The following RBFOX1 variants were observed in gnomAD, a reference collection of about 807,000 sequenced individuals.
RBFOX1 encodes RNA binding fox-1 homolog 1.
Under a neutral mutation model 57.7 loss-of-function variants are expected in RBFOX1, and 8 were observed. The ratio of observed to expected loss-of-function variants is 0.14; its 90% CI spans 0.08 to 0.25. The LOEUF is 0.25. Ranked by LOEUF, RBFOX1 falls within the 10% of genes least tolerant of loss-of-function variation. The pLI is 1.00. For missense variants in RBFOX1, 611 were observed against 548.5 expected (o/e 1.11, Z -1.14); for synonymous variants, 326 against 222.4 (o/e 1.47, Z -4.15).
chr16:6,723,537 G>T (rs552903852), intron 3 of RBFOX1, among the ~76,000 whole-genome samples: 1 of 152,168 alleles, frequency 6.6e-6, no homozygotes, highest in Non-Finnish European at 1.5e-5. Context: ...AACATTTCTG[G>T]AAGGTTCTAA....
chr16:7,309,420 C>G (rs1249177273), intron 4 of RBFOX1, among the ~76,000 whole-genome samples: 2 of 152,230 alleles, frequency 1.3e-5, no homozygotes, highest in African/African-American at 2.4e-5. Context: ...AGCATCTGTT[C>G]ATCCACAGAC....
rs111833846 is a variant in RBFOX1 at position 5,611,712 on chromosome 16, A to G, written c.318+12751A>G. Among the ~76,000 whole-genome samples, 690 of 143,186 alleles carry G rather than the reference A, an allele frequency of 4.8e-3. 3 individuals carry two copies. Among genetic ancestry groups the G allele is most frequent in the Non-Finnish European group, 6.0e-3 (399 of 65,998 alleles). The allele number at this position is 143,186 out of a possible 152,430, so 93.9% of individuals were successfully genotyped here. On this transcript the variant is annotated intron_variant, in intron 3 of 19. Coordinates refer to the RBFOX1 transcript ENST00000641259. ...CACTCCCCCACCCACTCTCCCATCCATCCATCTATCCATCCATCCATCCAT... is the reference window on the plus strand; with the variant it reads ...CACTCCCCCACCCACTCTCCCATCCGTCCATCTATCCATCCATCCATCCAT...
chr16:6,231,458 G>A (rs2097459732), intron 1 of RBFOX1, among the ~76,000 whole-genome samples: 1 of 152,114 alleles, frequency 6.6e-6, no homozygotes, highest in South Asian at 2.1e-4. Context: ...TAAGGATAGG[G>A]AGCCTCTTGG....
intron 4 of RBFOX1, among the ~76,000 whole-genome samples, chr16:5,964,323 G>C (rs949758505): frequency 1.3e-5 from 2 of 152,112 alleles, no homozygotes; most frequent in African/African-American, 4.8e-5. Context: ...CAGCCATTAT[G>C]GGAAACAGTA....
chr16:6,001,124 T>C (rs552994827), intron 4 of RBFOX1, among the ~76,000 whole-genome samples: 1 of 152,322 alleles, frequency 6.6e-6, no homozygotes, highest in East Asian at 1.9e-4. Flanking sequence ...TGCCCACTTC[T>C]TCAGAATTAC....
rs538110443 is a variant in RBFOX1 at position 7,037,805 on chromosome 16, A to ACC, written c.-15-14251_-15-14250dup. ...TCTGGCTTTCGATTTTGTTCTCTGAACCACTGCATTTTAGATGCCTCTCAA... is the reference window on the plus strand; with the variant it reads ...TCTGGCTTTCGATTTTGTTCTCTGAACCCCACTGCATTTTAGATGCCTCTCAA... On this transcript the variant is annotated intron_variant, in intron 3 of 15. Transcript: ENST00000550418. Among the ~76,000 whole-genome samples, 348 of 152,222 alleles carry ACC rather than the reference A, an allele frequency of 2.3e-3. 2 individuals are homozygous for ACC. Among genetic ancestry groups the ACC allele is most frequent in the Admixed American group, 6.0e-3 (92 of 15,288 alleles).
At chr16:6,958,407 T>C (rs2082299809) in intron 3 of RBFOX1, among the ~76,000 whole-genome samples, 1 of 152,208 alleles carries the variant, frequency 6.6e-6, no homozygotes, top group Non-Finnish European at 1.5e-5. Context: ...CCCCCCTTTT[T>C]ATGATCGGGT....
At chr16:5,506,609 C>G (rs2043388665) in intron 2 of RBFOX1, among the ~76,000 whole-genome samples, 2 of 152,138 alleles carry the variant, frequency 1.3e-5, no homozygotes, top group African/African-American at 4.8e-5. Context: ...TAAATTAAAC[C>G]TATTAATCAC....
At chr16:6,020,609 C>T (rs538914846) in intron 1 of RBFOX1, among the ~76,000 whole-genome samples, 1 of 152,272 alleles carries the variant, frequency 6.6e-6, no homozygotes, top group Non-Finnish European at 1.5e-5. Flanking sequence ...TCCTACTGTG[C>T]CCCTGGTTCC....
At chr16:6,332,702 T>C (rs370218296) in intron 2 of RBFOX1, among the ~76,000 whole-genome samples, 2 of 152,080 alleles carry the variant, frequency 1.3e-5, no homozygotes, top group East Asian at 1.9e-4. Flanking sequence ...TGGAGAAAAA[T>C]TCCCTCTCCT....
intron 3 of RBFOX1, among the ~76,000 whole-genome samples, chr16:5,853,392 G>T (rs2056944962): frequency 6.6e-6 from 1 of 152,156 alleles, no homozygotes; most frequent in Non-Finnish European, 1.5e-5. Flanking sequence ...TTGGAGTCCT[G>T]CCCTGGGCAC....
chr16:5,800,655 G>T (rs1010537544), intron 3 of RBFOX1, among the ~76,000 whole-genome samples: 3 of 152,168 alleles, frequency 2.0e-5, no homozygotes, highest in African/African-American at 7.2e-5. Flanking sequence ...TAGTTTCACG[G>T]TGACACTGGG....
intron 3 of RBFOX1, among the ~76,000 whole-genome samples, chr16:6,856,717 A>C (rs758217130): frequency 1.3e-5 from 2 of 152,182 alleles, no homozygotes; most frequent in Non-Finnish European, 2.9e-5. Context: ...GGTTATCTCA[A>C]TCACAAACTA....
intron 3 of RBFOX1, among the ~76,000 whole-genome samples, chr16:6,737,666 A>C (rs963293179): frequency 6.6e-6 from 1 of 152,202 alleles, no homozygotes. Flanking sequence ...ATCAGGTTCA[A>C]TATAGGCTAG....
At chr16:5,327,756 C>T (rs1030554071) in intron 1 of RBFOX1, among the ~76,000 whole-genome samples, 7 of 152,180 alleles carry the variant, frequency 4.6e-5, no homozygotes, top group Non-Finnish European at 5.9e-5. Flanking sequence ...TCTCTTACCT[C>T]ATTAAGCCAA....
At chr16:5,952,675 C>T (rs994656626) in intron 4 of RBFOX1, among the ~76,000 whole-genome samples, 1 of 152,074 alleles carries the variant, frequency 6.6e-6, no homozygotes, top group African/African-American at 2.4e-5. Context: ...TAGTGATTCT[C>T]CCGCTTCAGA....
chr16:6,707,829 C>T (rs763867306), intron 3 of RBFOX1, among the ~76,000 whole-genome samples: 1 of 152,160 alleles, frequency 6.6e-6, no homozygotes, highest in Admixed American at 6.6e-5. Context: ...CCGCCTTCTC[C>T]TTCCCCAAGC....
chr16:6,687,077 C>G (rs981867720), intron 3 of RBFOX1, among the ~76,000 whole-genome samples: 2 of 152,136 alleles, frequency 1.3e-5, no homozygotes, highest in Non-Finnish European at 2.9e-5. Flanking sequence ...GTATCTAGTT[C>G]CTGAAAGAAT....
At position 7,063,125 on chromosome 16, in the gene RBFOX1, C is replaced by G. The variant is rs181656645; in HGVS notation, c.27+11027C>G. Among the ~76,000 whole-genome samples, 10 of 151,982 alleles carry G rather than the reference C, an allele frequency of 6.6e-5. No homozygotes were observed. In the East Asian group the frequency reaches 9.7e-4, roughly 15 times the overall value. The stretch of plus-strand genomic sequence containing the variant: ...CGGCGCTGACTTTATGTATTGACAG[C>G]TAAGAGAAAGGAGCTCTTGGTTTAG... On this transcript the variant is annotated intron_variant, in intron 4 of 15. Coordinates refer to ENST00000550418, the MANE Select transcript of RBFOX1 (RefSeq NM_018723.4).
Sources: gnomAD v4.1 joint callset for allele counts (sites outside exome capture counted in the v4.1 genomes callset) on GRCh38, gnomAD v4.1.1 for gene constraint, MANE v1.5 for transcripts, NCBI Gene and HGNC (gene_info 2026-07-23, HGNC 2026-07-21) for gene names.